The following NEURL3 variants were observed in gnomAD, a reference collection of about 807,000 sequenced individuals.
NEURL3 encodes the protein E3 ubiquitin-protein ligase NEURL3.
Under a neutral mutation model 17.6 loss-of-function variants are expected in NEURL3, and 19 were observed. The ratio of observed to expected loss-of-function variants is 1.08; its 90% CI spans 0.75 to 1.58. The LOEUF is 1.58. Ranked by LOEUF, NEURL3 falls within the 40% of genes most tolerant of loss-of-function variation. The pLI is 0.00. For synonymous variants in NEURL3, 180 were observed against 161.4 expected, an observed-to-expected ratio of 1.11 and a Z score of -0.87; for missense variants, 342 against 379.6, an observed-to-expected ratio of 0.90 and a Z score of 0.82.
At chr2:96,499,733 C>T (rs1026267471) in intron 2 of NEURL3, among the ~76,000 whole-genome samples, 2 of 152,060 alleles carry the variant, frequency 1.3e-5, no homozygotes, top group Non-Finnish European at 2.9e-5. Flanking sequence ...GACCCTCGGC[C>T]GAGCCACATT....
intron 1 of NEURL3, 186 bp downstream of exon 1, chr2:96,505,073 C>A (rs1025326218): frequency 1.1e-4 from 19 of 171,400 alleles, no homozygotes; most frequent in African/African-American, 4.6e-4. Context: ...GATGTAGAAA[C>A]TGAGGCCCAG....
chr2:96,499,308 G>A lies in NEURL3; in HGVS notation c.586+70C>T, dbSNP rs1282837813. 25 of 1,581,972 alleles carry A rather than the reference G, an allele frequency of 1.6e-5. No homozygotes were observed. The East Asian group carries it at 1.8e-4, about 11-fold the overall frequency. On this transcript the variant is annotated intron_variant, in intron 3 of 3. Transcript: ENST00000451794. ...GACTTGAATGAACAACCAGTAGGACGTGGGGCTTCTCCCTCCACTCCCAGG... is the reference window on the plus strand; with the variant it reads ...GACTTGAATGAACAACCAGTAGGACATGGGGCTTCTCCCTCCACTCCCAGG...
At chr2:96,506,915 G>A (rs2065565155), upstream of NEURL3, among the ~76,000 whole-genome samples, 2 of 152,232 alleles carry the variant, frequency 1.3e-5, no homozygotes, top group Admixed American at 1.3e-4. Flanking sequence ...GTCATTCTGA[G>A]GAGCTAAAAA....
Position 96,500,896 on chromosome 2 carries a change from G to T in NEURL3, c.57C>A (p.Arg19=). ...GTGCGCCCTTGGCCTCGGCATGGAA[G>T]CGAAGTGCCTCTCGGGGCGCCTTGG... The part of the protein sequence containing the change: ...ANAKAPREAL[R]FHAEAKGAQV... The change falls in exon 2 of 4, where the codon CGC becomes CGA. Residue 19 remains arginine (R), a synonymous_variant. Transcript: ENST00000451794. The T allele has an allele frequency of 1.9e-6, 3 of 1,565,296 alleles. No individual in the cohort carries two copies. The highest frequency in any genetic ancestry group is 2.6e-6 in the Non-Finnish European group (3 of 1,164,722).
chr2:96,505,844 C>T (rs2065556560), upstream of NEURL3, among the ~76,000 whole-genome samples: 2 of 152,212 alleles, frequency 1.3e-5, no homozygotes, highest in Admixed American at 1.3e-4. Flanking sequence ...GGAAATTGTG[C>T]ACCTCCAACA....
intron 1 of NEURL3, 121 bp downstream of exon 1, chr2:96,505,138 C>T (rs781709459): frequency 2.5e-6 from 3 of 1,199,172 alleles, no homozygotes; most frequent in Admixed American, 2.1e-5. Flanking sequence ...ACTGGGACCC[C>T]ACCAGCCCCC....
rs752538369 is a variant in NEURL3 at position 96,500,874 on chromosome 2, C to G, written c.79G>C (p.Ala27Pro). The G allele has an allele frequency of 6.5e-7, 1 of 1,545,298 alleles. No individual in the cohort carries two copies. Among genetic ancestry groups the G allele is most frequent in the Admixed American group, 1.9e-5 (1 of 52,798 alleles). The change falls in exon 2 of 4, where the codon GCA becomes CCA. Residue 27 changes from alanine (A) to proline (P), a missense_variant. Ala to Pro is a conservative substitution (Grantham distance 27, BLOSUM62 -1). Transcript: ENST00000451794. ...ALRFHAEAKG[A>P]QVRLDTRGCI... ...CCACGCGTGTCCAGACGCACCTGTG[C>G]GCCCTTGGCCTCGGCATGGAAGCGA...
intron 1 of NEURL3, 194 bp from the exon 2 acceptor site, chr2:96,501,118 C>A (rs766345792): frequency 8.3e-5 from 19 of 230,038 alleles, no homozygotes; most frequent in Admixed American, 1.3e-4. Flanking sequence ...TGTACTCTTC[C>A]TGCGACCAAT....
intron 1 of NEURL3, 158 bp from the exon 2 acceptor site, chr2:96,501,082 GA>G: frequency 4.6e-6 from 2 of 434,460 alleles, no homozygotes; most frequent in Non-Finnish European, 6.1e-6. Flanking sequence ...GGGTTGTTAT[GA>G]AAACTATAGG....
upstream of NEURL3, chr2:96,505,363 A>G (rs1038569684): frequency 1.3e-5 from 20 of 1,484,482 alleles, no homozygotes; most frequent in African/African-American, 2.5e-4. Flanking sequence ...AGGTTACCAA[A>G]GATTCAGCAG....
At position 96,498,204 on chromosome 2, in the gene NEURL3, A is replaced by G; in HGVS notation, c.*40T>C. On this transcript the variant is annotated 3_prime_UTR_variant, in exon 4 of 4. Transcript: ENST00000451794. This position sits in a 1 kb window ranked among gnomAD's most constrained non-coding sequence, Gnocchi z 4.4. ...TCCTCTCTGCAGGGGCCAGACTCAG[A>G]TCTAGGCCCGGGCTGCCACTCATAC... 6.7e-7 allele frequency: 1 copy of G among 1,502,452 alleles called. No homozygotes were observed. Among genetic ancestry groups the G allele is most frequent in the South Asian group, 1.2e-5 (1 of 80,012 alleles). The allele number at this position is 1,502,452 out of a possible 1,614,324, so 93.1% of individuals were successfully genotyped here.
At chr2:96,507,456 G>A (rs1438383656), upstream of NEURL3, among the ~76,000 whole-genome samples, 2 of 152,118 alleles carry the variant, frequency 1.3e-5, no homozygotes, top group Non-Finnish European at 1.5e-5. Flanking sequence ...GAATGCTACC[G>A]TTTTTGTTGT....
rs1227560068 is a variant in NEURL3, at chr2:96,500,591, T to C, written c.362A>G (p.Asp121Gly). 6.5e-7 allele frequency: 1 copy of C among 1,532,450 alleles called. No homozygotes were observed. The highest frequency in any genetic ancestry group is 1.4e-5 in the African/African-American group (1 of 72,784). The allele number at this position is 1,532,450 out of a possible 1,614,324, so 94.9% of individuals were successfully genotyped here. ...VLPEGCALTG[D>G]LVRFWVDRRG... ...GCGGTCCACCCAGAAGCGGACCAAGTCCCCAGTGAGCGCGCAGCCCTCAGG... is the reference window on the plus strand; with the variant it reads ...GCGGTCCACCCAGAAGCGGACCAAGCCCCCAGTGAGCGCGCAGCCCTCAGG... The change falls in exon 2 of 4, where the codon GAC becomes GGC. Residue 121 changes from aspartate (D) to glycine (G), a missense_variant. By Grantham distance (94) the Asp-to-Gly change is moderately conservative (BLOSUM62 -1). Transcript: ENST00000451794.
Position 96,500,756 on chromosome 2 carries a change from A to G in NEURL3, c.197T>C (p.Leu66Pro). ...RLGERVALRV[L>P]REESGWCGGL... ...GCCGCACCAGCCGCTCTCCTCCCGC[A>G]GCACTCGCAGCGCCACACGCTCGCC... Residue 66 changes from leucine to proline, a missense_variant, in exon 2 of 4, where the codon CTG becomes CCG. Leu to Pro is a moderately conservative substitution (Grantham distance 98). Transcript: ENST00000451794. The G allele has an allele frequency of 6.6e-7, 1 of 1,524,366 alleles. No homozygotes were observed. The highest frequency in any genetic ancestry group is 8.8e-7 in the Non-Finnish European group (1 of 1,141,504). The allele number at this position is 1,524,366 out of a possible 1,614,324, so 94.4% of individuals were successfully genotyped here.
chr2:96,503,791 A>G (rs1217787600), intron 1 of NEURL3, among the ~76,000 whole-genome samples: 1 of 152,080 alleles, frequency 6.6e-6, no homozygotes, highest in Admixed American at 6.5e-5. Flanking sequence ...AGCCCGGGAC[A>G]CCCCACTCCC....
At chr2:96,500,410 C>T (rs1206778449) in intron 2 of NEURL3, 29 bp downstream of exon 2, 5 of 1,595,844 alleles carry the variant, frequency 3.1e-6, no homozygotes, top group Admixed American at 1.7e-5. Flanking sequence ...CTCCCCACCT[C>T]CCCTGCGGGG....
In NEURL3 at chr2:96,498,673, G is replaced by C. The variant is rs1314086133; in HGVS notation, c.587-227C>G. ...TTAGAGAGAAGGAAAACGCAGCACA[G>C]ACAAGTCCCTATATACACACGTCTA... On this transcript the variant is annotated intron_variant, in intron 3 of 3. Coordinates refer to ENST00000451794, the MANE Select transcript of NEURL3 (RefSeq NM_001285485.2). This position sits in a 1 kb window ranked among gnomAD's most constrained non-coding sequence, Gnocchi z 4.4. Among the ~76,000 whole-genome samples the C allele has an allele frequency of 2.6e-5, 4 of 152,162 alleles. No individual in the cohort carries two copies. The highest frequency in any genetic ancestry group is 9.7e-5 in the African/African-American group (4 of 41,426).
At position 96,505,257 on chromosome 2, in the gene NEURL3, A is replaced by G; in HGVS notation, c.28+2T>C. 6.3e-7 allele frequency: 1 copy of G among 1,599,154 alleles called. No homozygotes were observed. The highest frequency in any genetic ancestry group is 8.5e-7 in the Non-Finnish European group (1 of 1,179,776). ...CTCCAGGCTTGCAGGAGGTCTACTT[A>G]CTGGCCTCGAAGCAGAGCTGGGCAC... On this transcript the variant is annotated splice_donor_variant, in intron 1 of 3. Transcript: ENST00000451794. LOFTEE classifies it high-confidence loss of function.
Position 96,499,445 on chromosome 2 carries a change from G to A in NEURL3, c.519C>T (p.Pro173=). The A allele has an allele frequency of 1.3e-6, 2 of 1,599,488 alleles. No homozygotes were observed. Among genetic ancestry groups the A allele is most frequent in the South Asian group, 2.2e-5 (2 of 91,074 alleles). ...GTTKAIELLD[P]TASRLPTPMP... ...TGGGTGTTGGGAGCCGGCTGGCTGT[G>A]GGATCTGAGGCAGAGAGAGAAACTC... is the stretch of plus-strand genomic sequence containing the variant. Residue 173 remains proline (P), a synonymous_variant, in exon 3 of 4, where the codon CCC becomes CCT. Transcript: ENST00000451794.
Sources: gnomAD v4.1 joint callset for allele counts (sites outside exome capture counted in the v4.1 genomes callset) on GRCh38, gnomAD v4.1.1 for gene constraint, Gnocchi (gnomAD v3.1) non-coding constraint, MANE v1.5 for transcripts, NCBI Gene and HGNC (gene_info 2026-07-23, HGNC 2026-07-21) for gene names.